SGPP2: variants seen among roughly 807,000 people sequenced by gnomAD.
SGPP2 encodes sphingosine-1-phosphate phosphatase 2.
SGPP2 carries 30 observed loss-of-function variants against 33.9 expected under a neutral mutation model. The ratio of observed to expected loss-of-function variants is 0.89; its 90% CI spans 0.66 to 1.20. The LOEUF (loss-of-function observed/expected upper bound fraction) is 1.20, where lower values mean the gene tolerates loss of function less well. Among genes scored for constraint, SGPP2 ranks in the 50% most tolerant of loss-of-function variants. The probability of loss-of-function intolerance (pLI) is 0.00; values close to 1 mark genes in which losing one functional copy is unlikely to be tolerated. For missense variants in SGPP2, 458 were observed against 532.1 expected (o/e 0.86, Z 1.37); for synonymous variants, 233 against 225.0 (o/e 1.04, Z -0.32).
chr2:222,511,348 A>C (rs908613808), intron 2 of SGPP2, among the ~76,000 whole-genome samples: 25 of 152,330 alleles, frequency 1.6e-4, no homozygotes, highest in Admixed American at 3.9e-4. Flanking sequence ...TTCAGAGCAG[A>C]AGAAGAAAAT....
intron 2 of SGPP2, 85 bp downstream of exon 2, chr2:222,474,811 T>C (rs1697905116): frequency 9.6e-7 from 1 of 1,042,554 alleles, no homozygotes; most frequent in African/African-American, 2.6e-5. Context: ...AAATATGTTC[T>C]TTCTTTTTTT....
chr2:222,497,250 C>CTTTTTTTT (rs57363978), intron 2 of SGPP2, among the ~76,000 whole-genome samples: 14 of 118,506 alleles, frequency 1.2e-4, no homozygotes, highest in East Asian at 4.8e-4. Flanking sequence ...TCTCTTTCTT[C>CTTTTTTTT]TTTTTTTTTT....
intron 4 of SGPP2, among the ~76,000 whole-genome samples, chr2:222,555,377 G>A (rs963104630): frequency 6.6e-6 from 1 of 150,558 alleles, no homozygotes; most frequent in Non-Finnish European, 1.5e-5. Context: ...AGTAAGCTTA[G>A]GGATATTTTC....
intron 1 of SGPP2, among the ~76,000 whole-genome samples, chr2:222,435,204 G>A (rs1052009250): frequency 3.3e-5 from 5 of 152,096 alleles, no homozygotes; most frequent in Admixed American, 2.0e-4. Flanking sequence ...AGAACTTGGA[G>A]TCTAATGTTT....
At chr2:222,557,546 T>C (rs538778491) in intron 4 of SGPP2, among the ~76,000 whole-genome samples, 6 of 152,192 alleles carry the variant, frequency 3.9e-5, no homozygotes, top group Non-Finnish European at 8.8e-5. Flanking sequence ...ACATGCAAAC[T>C]TAGAGAAAGT....
chr2:222,505,637 TTAAAA>T (rs1298350450), intron 2 of SGPP2, among the ~76,000 whole-genome samples: 1 of 151,902 alleles, frequency 6.6e-6, no homozygotes, highest in Non-Finnish European at 1.5e-5. Context: ...TTATGAAAAG[TTAAAA>T]TAAAAATTAG....
chr2:222,533,238 G>A (rs1336387993), intron 4 of SGPP2, among the ~76,000 whole-genome samples: 1 of 152,128 alleles, frequency 6.6e-6, no homozygotes, highest in Admixed American at 6.5e-5. Flanking sequence ...CCAGAAGAGG[G>A]GTGGCTCTGA....
intron 1 of SGPP2, among the ~76,000 whole-genome samples, chr2:222,435,893 C>T (rs531322441): frequency 8.5e-5 from 13 of 152,168 alleles, no homozygotes; most frequent in South Asian, 2.1e-4. Context: ...TTCAGCAGGT[C>T]GTGGTTTTTT....
intron 1 of SGPP2, among the ~76,000 whole-genome samples, chr2:222,470,160 A>G (rs778148259): frequency 1.1e-4 from 16 of 152,224 alleles, no homozygotes; most frequent in Non-Finnish European, 1.8e-4. Flanking sequence ...CAAATACCTA[A>G]TGCATGCGGG....
intron 2 of SGPP2, among the ~76,000 whole-genome samples, chr2:222,519,771 G>A (rs1034273330): frequency 2.6e-5 from 4 of 152,124 alleles, no homozygotes; most frequent in African/African-American, 9.7e-5. Flanking sequence ...GTGGTATTTG[G>A]TTTTCTGTTC....
intron 2 of SGPP2, among the ~76,000 whole-genome samples, chr2:222,520,734 A>AC (rs1444923900): frequency 1.1e-4 from 12 of 110,182 alleles, no homozygotes; most frequent in Non-Finnish European, 2.1e-4. Context: ...AAAAAAAAAA[A>AC]AAAAAAAAAA....
chr2:222,436,840 C>A (rs150071853), intron 1 of SGPP2, among the ~76,000 whole-genome samples: 1 of 152,196 alleles, frequency 6.6e-6, no homozygotes, highest in African/African-American at 2.4e-5. Context: ...GATCACCCAA[C>A]GGAATGGTGC....
chr2:222,491,328 G>T (rs908101700), intron 2 of SGPP2, among the ~76,000 whole-genome samples: 1 of 151,990 alleles, frequency 6.6e-6, no homozygotes, highest in Non-Finnish European at 1.5e-5. Context: ...TAGAGACAGG[G>T]TCTGTTTTCA....
intron 1 of SGPP2, among the ~76,000 whole-genome samples, chr2:222,449,223 C>G (rs895050020): frequency 3.9e-5 from 6 of 152,154 alleles, no homozygotes; most frequent in Non-Finnish European, 2.9e-5. Flanking sequence ...GAGGGTGGGG[C>G]TGCTATTTGG....
intron 4 of SGPP2, among the ~76,000 whole-genome samples, chr2:222,532,162 T>C (rs1417946431): frequency 6.6e-6 from 1 of 152,028 alleles, no homozygotes; most frequent in African/African-American, 2.4e-5. Context: ...TAATCCCAGC[T>C]ACTTGGGAGG....
intron 4 of SGPP2, among the ~76,000 whole-genome samples, chr2:222,556,802 T>G (rs1463874677): frequency 5.8e-4 from 2 of 3,428 alleles, no homozygotes; most frequent in African/African-American, 1.5e-3. Context: ...TCCTTCCCCA[T>G]CCACCCTCAC....
rs1349413179 is a variant in SGPP2, at chr2:222,460,062, C to A, written c.220-14506C>A. On this transcript the variant is annotated intron_variant, in intron 1 of 4. Transcript: ENST00000321276. The surrounding 1 kb of genome is among the most constrained non-coding windows in gnomAD (Gnocchi z 4.3). ...AGAGCAGGAATCTGAAGCGCGCGGC[C>A]CTCGGTGACGGGGCTCAGTCAAAAC... Among the ~76,000 whole-genome samples, 5 of 152,200 alleles carry A rather than the reference C, an allele frequency of 3.3e-5. No homozygotes were observed. The highest frequency in any genetic ancestry group is 3.3e-4 in the Admixed American group (5 of 15,286).
In SGPP2 at chr2:222,454,195, A is replaced by G. The variant is rs115880276; in HGVS notation, c.220-20373A>G. On this transcript the variant is annotated intron_variant, in intron 1 of 4. Transcript: ENST00000321276. ...AATACAAACAGAAAATTTTCTCTCT[A>G]ACCTGCAAGCATCTGAAGATAAAGA... 1.7e-3 allele frequency among the ~76,000 whole-genome samples: 261 copies of G among 152,260 alleles called. 1 individual carries two copies. Among genetic ancestry groups the G allele is most frequent in the African/African-American group, 6.1e-3 (255 of 41,552 alleles).
At position 222,499,187 on chromosome 2, in the gene SGPP2, A is replaced by G. The variant is rs189604002; in HGVS notation, c.379-22580A>G. Among the ~76,000 whole-genome samples, 384 of 152,332 alleles carry G rather than the reference A, an allele frequency of 2.5e-3. 1 individual carries two copies. Among genetic ancestry groups the G allele is most frequent in the African/African-American group, 8.4e-3 (349 of 41,580 alleles). ...AAAGTGGACATTACACAGAGTAGGG[A>G]TGTGCCTGTTTGCCCCGAAGGCAGA... On this transcript the variant is annotated intron_variant, in intron 2 of 4. Coordinates refer to ENST00000321276, the MANE Select transcript of SGPP2 (RefSeq NM_152386.4).
Sources: gnomAD v4.1 joint callset for allele counts (sites outside exome capture counted in the v4.1 genomes callset) on GRCh38, gnomAD v4.1.1 for gene constraint, Gnocchi (gnomAD v3.1) non-coding constraint, MANE v1.5 for transcripts, NCBI Gene and HGNC (gene_info 2026-07-23, HGNC 2026-07-21) for gene names.